CHN2: variants seen among roughly 807,000 people sequenced by gnomAD.
CHN2 encodes beta-chimaerin.
In CHN2, 35 loss-of-function variants were observed where a neutral mutation model predicts 56.3. The ratio of observed to expected loss-of-function variants is 0.62; its 90% CI spans 0.47 to 0.82. CHN2 has a LOEUF of 0.82. Ranked by LOEUF, CHN2 falls within the 40% of genes least tolerant of loss-of-function variation. The pLI, the probability that CHN2 is intolerant of heterozygous loss-of-function variation, is 0.00. For missense variants in CHN2, 491 were observed against 580.5 expected, an observed-to-expected ratio of 0.85 and a Z score of 1.58; for synonymous variants, 210 against 212.8, an observed-to-expected ratio of 0.99 and a Z score of 0.12.
chr7:29,337,188 TA>T (rs1218070885), intron 1 of CHN2, among the ~76,000 whole-genome samples: 1 of 152,212 alleles, frequency 6.6e-6, no homozygotes, highest in East Asian at 1.9e-4. Context: ...AATGATCTTT[TA>T]TAAAGGCACA....
At chr7:29,305,185 G>T (rs1157064089) in intron 1 of CHN2, among the ~76,000 whole-genome samples, 2 of 152,174 alleles carry the variant, frequency 1.3e-5, no homozygotes, top group Admixed American at 1.3e-4. Flanking sequence ...AGTGATTGTT[G>T]CCGGGGAAAG....
chr7:29,323,258 C>CAGA (rs994288891), intron 1 of CHN2, among the ~76,000 whole-genome samples: 2 of 150,864 alleles, frequency 1.3e-5, no homozygotes, highest in Admixed American at 1.3e-4. Context: ...TCTGACCTTT[C>CAGA]AGATGTTTGA....
chr7:29,510,812 G>C (rs1022970506), intron 12 of CHN2, among the ~76,000 whole-genome samples: 1 of 152,220 alleles, frequency 6.6e-6, no homozygotes, highest in Non-Finnish European at 1.5e-5. Flanking sequence ...CAGGAGGCAT[G>C]GATCGCTGAG....
chr7:29,415,812 A>G (rs916996800), intron 6 of CHN2, among the ~76,000 whole-genome samples: 2 of 152,208 alleles, frequency 1.3e-5, no homozygotes, highest in Admixed American at 1.3e-4. Context: ...CAATGCAGTA[A>G]CATTGAGGCA....
intron 1 of CHN2, among the ~76,000 whole-genome samples, chr7:29,214,087 C>G (rs532697905): frequency 9.9e-4 from 151 of 152,070 alleles, no homozygotes; most frequent in Non-Finnish European, 1.9e-3. Context: ...TGCTAAAGCC[C>G]CCTGGTAAAT....
chr7:29,246,311 G>T (rs983872105), intron 1 of CHN2, among the ~76,000 whole-genome samples: 1 of 152,168 alleles, frequency 6.6e-6, no homozygotes, highest in African/African-American at 2.4e-5. Flanking sequence ...GGCTGGGAGG[G>T]TTGGGGGTAG....
In CHN2 at chr7:29,512,888, T is replaced by A; in HGVS notation, c.*153T>A. The A allele has an allele frequency of 1.3e-6, 1 of 760,300 alleles. No homozygotes were observed. Among genetic ancestry groups the A allele is most frequent in the East Asian group, 2.8e-5 (1 of 36,136 alleles). 47.1% of individuals were successfully genotyped at this position (760,300 alleles called of 1,614,324 possible). A position where few individuals can be genotyped will look rare whatever the true frequency, so the allele number is the denominator to read the frequency against. Reference sequence around the variant, plus strand: ...TCGCTGAGTGGGGTACTGTGTCTCATAGACATGCGCCACCTCCACGTGAGA... The same window carrying A: ...TCGCTGAGTGGGGTACTGTGTCTCAAAGACATGCGCCACCTCCACGTGAGA... On this transcript the variant is annotated 3_prime_UTR_variant, in exon 13 of 13. Coordinates refer to ENST00000222792, the MANE Select transcript of CHN2 (RefSeq NM_004067.4).
chr7:29,186,561 A>T (rs1439846398), intron 2 of CHN2: 1 of 151,578 alleles, frequency 6.6e-6, no homozygotes, highest in Non-Finnish European at 1.5e-5. Flanking sequence ...CGTGACAGAG[A>T]TGAAAGGAAA....
chr7:29,314,380 A>G lies in CHN2; in HGVS notation c.50-40245A>G, dbSNP rs1585036341. Among the ~76,000 whole-genome samples the G allele has an allele frequency of 2.0e-5, 3 of 152,138 alleles. No homozygotes were observed. In the South Asian group the frequency reaches 6.2e-4, roughly 32 times the overall value. On this transcript the variant is annotated intron_variant, in intron 1 of 12. Transcript: ENST00000222792. ...TGGAATGGTGATTTTCAGAGGCTGG[A>G]GTGAGGGAGGAATGGAGATTGGTTG...
intron 6 of CHN2, among the ~76,000 whole-genome samples, chr7:29,445,487 T>C (rs961708170): frequency 1.3e-5 from 2 of 152,190 alleles, no homozygotes; most frequent in African/African-American, 2.4e-5. Flanking sequence ...CCTTAAAGCA[T>C]AATAGTACTC....
chr7:29,254,061 C>T (rs1025586794), intron 1 of CHN2, among the ~76,000 whole-genome samples: 19 of 152,304 alleles, frequency 1.2e-4, no homozygotes, highest in South Asian at 2.1e-4. Flanking sequence ...TGCGCCACTG[C>T]GCCCAGCTGA....
At chr7:29,150,899 C>G (rs1024647220) in intron 2 of CHN2, among the ~76,000 whole-genome samples, 2 of 152,104 alleles carry the variant, frequency 1.3e-5, no homozygotes, top group East Asian at 3.9e-4. Flanking sequence ...TCTTAAGGAA[C>G]GAAGCCAGAT....
At chr7:29,371,418 G>A (rs568313536) in intron 3 of CHN2, among the ~76,000 whole-genome samples, 2 of 152,278 alleles carry the variant, frequency 1.3e-5, no homozygotes, top group South Asian at 2.1e-4. Flanking sequence ...TTGGGCAGCC[G>A]CAGCACCTGA....
intron 6 of CHN2, among the ~76,000 whole-genome samples, chr7:29,474,633 C>A (rs1255911451): frequency 6.6e-6 from 1 of 152,240 alleles, no homozygotes; most frequent in Admixed American, 6.5e-5. Flanking sequence ...GAGTATAGCT[C>A]GGGCAGTCAA....
intron 1 of CHN2, among the ~76,000 whole-genome samples, chr7:29,268,124 G>T (rs1475303627): frequency 6.6e-6 from 1 of 152,108 alleles, no homozygotes; most frequent in Non-Finnish European, 1.5e-5. Flanking sequence ...TGAAACTCCT[G>T]AAACTAAGGG....
chr7:29,241,388 T>C (rs765804762), intron 1 of CHN2, among the ~76,000 whole-genome samples: 15 of 152,066 alleles, frequency 9.9e-5, no homozygotes, highest in Non-Finnish European at 1.5e-4. Context: ...AGTTTCCACA[T>C]AGAAAGAGTG....
At chr7:29,320,704 T>G (rs1795274494) in intron 1 of CHN2, among the ~76,000 whole-genome samples, 1 of 152,200 alleles carries the variant, frequency 6.6e-6, no homozygotes, top group African/African-American at 2.4e-5. Flanking sequence ...GATGCCTATT[T>G]CCCTGGGGTT....
chr7:29,327,067 C>T (rs1795859558), intron 1 of CHN2, among the ~76,000 whole-genome samples: 1 of 152,124 alleles, frequency 6.6e-6, no homozygotes, highest in Non-Finnish European at 1.5e-5. Context: ...TCATTTCTGC[C>T]TATAGGACAT....
At chr7:29,271,751 C>A (rs991399324) in intron 1 of CHN2, among the ~76,000 whole-genome samples, 1 of 152,184 alleles carries the variant, frequency 6.6e-6, no homozygotes, top group Admixed American at 6.5e-5. Flanking sequence ...CTTTTCTCAT[C>A]AAACATTCTC....
Sources: allele counts gnomAD v4.1 joint callset (sites outside exome capture counted in the v4.1 genomes callset), GRCh38; gene constraint gnomAD v4.1.1; transcripts MANE v1.5; gene names NCBI Gene and HGNC (gene_info 2026-07-23, HGNC 2026-07-21).